The following CCDC169 variants were observed in gnomAD, a reference collection of about 807,000 sequenced individuals.
CCDC169 encodes coiled-coil domain containing 169, also known as coiled-coil domain-containing protein 169.
In CCDC169, 30 loss-of-function variants were observed where a neutral mutation model predicts 36.0. The observed-to-expected ratio is 0.83, with a 90% confidence interval of 0.62 to 1.13. CCDC169 has a LOEUF of 1.13. Among genes scored for constraint, CCDC169 ranks in the 50% most tolerant of loss-of-function variants. The probability of loss-of-function intolerance (pLI) is 0.00; values close to 1 mark genes in which losing one functional copy is unlikely to be tolerated. For synonymous variants in CCDC169, 85 were observed against 81.5 expected, an observed-to-expected ratio of 1.04 and a Z score of -0.23; for missense variants, 245 against 245.9, an observed-to-expected ratio of 1.00 and a Z score of 0.03.
intron 7 of CCDC169, among the ~76,000 whole-genome samples, chr13:36,232,709 C>T (rs1199981757): frequency 4.8e-5 from 3 of 62,852 alleles, no homozygotes; most frequent in African/African-American, 1.3e-4. Context: ...AGCGAGACTC[C>T]GTCTCAAAAA....
At chr13:36,276,209 G>A (rs1282022584) in intron 4 of CCDC169, among the ~76,000 whole-genome samples, 1 of 152,050 alleles carries the variant, frequency 6.6e-6, no homozygotes, top group African/African-American at 2.4e-5. Context: ...CTAAAAATTC[G>A]CTTTAAGGAA....
At chr13:36,250,433 C>G (rs1928014) in intron 6 of CCDC169, among the ~76,000 whole-genome samples, 61,634 of 151,970 alleles carry the variant, frequency 0.41, 13,280 homozygotes, top group Non-Finnish European at 0.48. Context: ...ACTATTGTAT[C>G]TGTATTTCAG....
chr13:36,279,740 A>G (rs1877270818), intron 4 of CCDC169, among the ~76,000 whole-genome samples: 1 of 152,230 alleles, frequency 6.6e-6, no homozygotes, highest in South Asian at 2.1e-4. Flanking sequence ...TTTTTAGAAT[A>G]CAGCCCACCA....
chr13:36,240,042 A>T (rs1871587633), intron 7 of CCDC169, among the ~76,000 whole-genome samples: 2 of 152,126 alleles, frequency 1.3e-5, no homozygotes, highest in South Asian at 4.1e-4. Context: ...ATGTAAAAAA[A>T]CTTAGCATAC....
At position 36,297,643 on chromosome 13, in the gene CCDC169, C is replaced by G. The variant is rs1879699815; in HGVS notation, c.77G>C (p.Arg26Pro). ...GCGCCGCCCGCCGACTCACTTCTTGCGGACTTCTTCCAGCAACTGCTGTTT... is the reference window on the plus strand; with the variant it reads ...GCGCCGCCCGCCGACTCACTTCTTGGGGACTTCTTCCAGCAACTGCTGTTT... ...RLKQQLLEEVRKKDAVQLSIF... is the reference protein window; with the variant it reads ...RLKQQLLEEVPKKDAVQLSIF... Residue 26 changes from arginine (R) to proline (P), a missense_variant, in exon 1 of 8, where the codon CGC becomes CCC. Transcript: ENST00000239859. 6.4e-7 allele frequency: 1 copy of G among 1,550,678 alleles called. No homozygotes were observed. Among genetic ancestry groups the G allele is most frequent in the Non-Finnish European group, 8.7e-7 (1 of 1,146,988 alleles).
At chr13:36,251,597 T>TA (rs1873171821) in intron 6 of CCDC169, among the ~76,000 whole-genome samples, 2 of 152,186 alleles carry the variant, frequency 1.3e-5, no homozygotes. Flanking sequence ...ACCTTTTTCT[T>TA]AATAACTTGG....
At chr13:36,243,061 T>C (rs1872045428) in intron 7 of CCDC169, among the ~76,000 whole-genome samples, 1 of 152,216 alleles carries the variant, frequency 6.6e-6, no homozygotes, top group African/African-American at 2.4e-5. Context: ...TGGGTCATCC[T>C]GCCAGAGGAA....
At chr13:36,287,454 A>G (rs565031731) in intron 2 of CCDC169, among the ~76,000 whole-genome samples, 10 of 152,310 alleles carry the variant, frequency 6.6e-5, no homozygotes, top group African/African-American at 2.4e-4. Context: ...TATCTTTTGT[A>G]GGTCTGTGAG....
At chr13:36,256,129 C>T (rs1873849363) in intron 4 of CCDC169, among the ~76,000 whole-genome samples, 1 of 152,218 alleles carries the variant, frequency 6.6e-6, no homozygotes, top group African/African-American at 2.4e-5. Context: ...TGCTGTCATT[C>T]AGATCATCTG....
intron 7 of CCDC169, chr13:36,244,561 A>G (rs1872256993): frequency 6.6e-6 from 1 of 152,188 alleles, no homozygotes; most frequent in South Asian, 2.1e-4. Context: ...AATTCATCCC[A>G]TGTGCCTTAT....
downstream of CCDC169, chr13:36,225,021 A>G (rs894013419): frequency 6.6e-6 from 1 of 152,182 alleles, no homozygotes; most frequent in Non-Finnish European, 1.5e-5. Context: ...TCAACAGTCA[A>G]CAAAAATAGG....
chr13:36,249,181 C>G (rs567201115), intron 6 of CCDC169, among the ~76,000 whole-genome samples: 2 of 152,098 alleles, frequency 1.3e-5, no homozygotes, highest in Non-Finnish European at 2.9e-5. Context: ...GAATGATGAT[C>G]TTAGAGATGG....
At chr13:36,243,720 C>T (rs1872148598) in intron 7 of CCDC169, among the ~76,000 whole-genome samples, 1 of 152,058 alleles carries the variant, frequency 6.6e-6, no homozygotes. Context: ...ACAGGAGAAT[C>T]ACTTGAACCC....
At chr13:36,277,699 C>T (rs757886970) in intron 4 of CCDC169, among the ~76,000 whole-genome samples, 89 of 152,200 alleles carry the variant, frequency 5.8e-4, no homozygotes, top group Non-Finnish European at 1.1e-3. Flanking sequence ...AGGTGGCTCA[C>T]GCCTGTAATG....
At chr13:36,289,117 G>T (rs562439688) in intron 2 of CCDC169, among the ~76,000 whole-genome samples, 124 of 152,084 alleles carry the variant, frequency 8.2e-4, no homozygotes, top group African/African-American at 2.9e-3. Flanking sequence ...TTTTCTTAAG[G>T]TATTACTTTT....
At chr13:36,236,919 G>T (rs911439053) in intron 7 of CCDC169, among the ~76,000 whole-genome samples, 1 of 151,962 alleles carries the variant, frequency 6.6e-6, no homozygotes, top group Non-Finnish European at 1.5e-5. Context: ...ATAAAACGGT[G>T]TCATATTTCC....
At chr13:36,232,511 G>T (rs1481195260) in intron 7 of CCDC169, among the ~76,000 whole-genome samples, 1 of 152,024 alleles carries the variant, frequency 6.6e-6, no homozygotes, top group African/African-American at 2.4e-5. Flanking sequence ...AAGCTGAGAG[G>T]CCAGGCTCAG....
At chr13:36,226,898 C>T, downstream of CCDC169, 2 of 392,100 alleles carry the variant, frequency 5.1e-6, no homozygotes, top group Non-Finnish European at 9.1e-6. Context: ...CAGCATTATA[C>T]AATATACCAC....
At chr13:36,288,010 T>C (rs1191565585) in intron 2 of CCDC169, among the ~76,000 whole-genome samples, 1 of 152,094 alleles carries the variant, frequency 6.6e-6, no homozygotes, top group African/African-American at 2.4e-5. Context: ...TATTATTTAT[T>C]TTTAATTTTT....
Sources: allele counts gnomAD v4.1 joint callset (sites outside exome capture counted in the v4.1 genomes callset), GRCh38; gene constraint gnomAD v4.1.1; transcripts MANE v1.5; gene names NCBI Gene and HGNC (gene_info 2026-07-23, HGNC 2026-07-21).